The following GCM1 variants were observed in gnomAD, a reference collection of about 807,000 sequenced individuals.
GCM1 encodes chorion-specific transcription factor GCMa.
Under a neutral mutation model 25.7 loss-of-function variants are expected in GCM1, and 2 were observed. The observed-to-expected ratio is 0.08, with a 90% CI of 0.03 to 0.24. The LOEUF (loss-of-function observed/expected upper bound fraction) is 0.24. Ranked by LOEUF, GCM1 falls within the 10% of genes least tolerant of loss-of-function variation. The pLI, the probability that GCM1 is intolerant of heterozygous loss-of-function variation, is 1.00. For missense variants in GCM1, 395 were observed against 538.7 expected (o/e 0.73, Z 2.64); for synonymous variants, 183 against 195.7 (o/e 0.94, Z 0.54).
Position 53,140,420 on chromosome 6 carries a change from G to A in GCM1, c.75+5138C>T, listed in dbSNP as rs1581853896. On this transcript the variant is annotated intron_variant, in intron 2 of 5. Transcript: ENST00000259803. ...CAATTTGGGGCTTATCTTTTGCAGA[G>A]ACAAAGGAAGTTTGGCTGGCTAAAA... is the stretch of plus-strand genomic sequence containing the variant. 2.0e-5 allele frequency among the ~76,000 whole-genome samples: 3 copies of A among 149,294 alleles called. No homozygotes were observed. The South Asian group carries it at 6.3e-4, about 31-fold the overall frequency.
rs769165430 is a variant in GCM1, at chr6:53,134,150, G to A, written c.250C>T (p.Arg84Cys). The A allele has an allele frequency of 4.8e-5, 78 of 1,614,054 alleles. No individual in the cohort carries two copies. The highest frequency in any genetic ancestry group is 1.8e-4 in the Admixed American group (11 of 60,004). Residue 84 changes from arginine (R) to cysteine (C), a missense_variant, in exon 3 of 6, where the codon CGC (arginine) becomes TGC (cysteine). By Grantham distance (180) the Arg-to-Cys change is radical. Coordinates refer to ENST00000259803, the MANE Select transcript of GCM1 (RefSeq NM_003643.4). ...CGCCCCTCCTCTGCGAGACAGTCGC[G>A]GCCGCACACCACCACACCCAGGCAG... is the stretch of plus-strand genomic sequence containing the variant. ...KSCLGVVVCGRDCLAEEGRKI... is the reference protein window; with the variant it reads ...KSCLGVVVCGCDCLAEEGRKI...
intron 2 of GCM1, among the ~76,000 whole-genome samples, chr6:53,135,621 A>C (rs533706702): frequency 4.6e-4 from 70 of 152,250 alleles, no homozygotes; most frequent in Non-Finnish European, 2.2e-4. Context: ...CAGTGTCAGC[A>C]CTCAAACTTA....
chr6:53,136,943 T>C (rs923629930), intron 2 of GCM1, among the ~76,000 whole-genome samples: 6 of 151,298 alleles, frequency 4.0e-5, no homozygotes, highest in Non-Finnish European at 2.9e-5. Flanking sequence ...GCCACTGCAC[T>C]CCAGCCTGGG....
chr6:53,136,840 G>A (rs1453940947), intron 2 of GCM1, among the ~76,000 whole-genome samples: 1 of 152,144 alleles, frequency 6.6e-6, no homozygotes, highest in African/African-American at 2.4e-5. Flanking sequence ...GCCAGGTGTG[G>A]TGGCGGGCAC....
At chr6:53,131,312 C>G (rs1483406606) in intron 4 of GCM1, among the ~76,000 whole-genome samples, 2 of 152,202 alleles carry the variant, frequency 1.3e-5, no homozygotes, top group Non-Finnish European at 2.9e-5. Flanking sequence ...AGTGATTACG[C>G]CAGCTGGGTA....
At chr6:53,134,561 C>T (rs901220672) in intron 2 of GCM1, among the ~76,000 whole-genome samples, 2 of 152,170 alleles carry the variant, frequency 1.3e-5, no homozygotes, top group Non-Finnish European at 2.9e-5. Context: ...AAATGATAGC[C>T]CCTGTGAGTT....
In GCM1 at chr6:53,134,241, C is replaced by A; in HGVS notation, c.159G>T (p.Gln53His). Reference protein sequence around the residue: ...HIYSSEDKNAQRHLSSWAMRN... With the variant: ...HIYSSEDKNAHRHLSSWAMRN... ...GCATGGCCCAGCTGCTCAGGTGCCG[C>A]TGCGCATTCTTGTCCTCCGAGCTGT... The change falls in exon 3 of 6, where the codon CAG (glutamine) becomes CAT (histidine). Residue 53 changes from glutamine to histidine, a missense_variant. Gln to His is a conservative substitution (Grantham distance 24, BLOSUM62 0). Coordinates refer to ENST00000259803, the MANE Select transcript of GCM1 (RefSeq NM_003643.4). 6.2e-7 allele frequency: 1 copy of A among 1,614,126 alleles called. No homozygotes were observed. The highest frequency in any genetic ancestry group is 1.1e-5 in the South Asian group (1 of 91,080).
intron 2 of GCM1, among the ~76,000 whole-genome samples, chr6:53,139,493 C>T (rs1763843480): frequency 3.4e-5 from 1 of 29,720 alleles, no homozygotes; most frequent in South Asian, 2.5e-3. Context: ...AGACCCCCAT[C>T]TCAAAAAAAA....
intron 2 of GCM1, among the ~76,000 whole-genome samples, chr6:53,141,104 A>G (rs1763866700): frequency 6.6e-6 from 1 of 152,050 alleles, no homozygotes; most frequent in Admixed American, 6.5e-5. Flanking sequence ...CTCCTCTAGC[A>G]TTTTTCTACA....
At position 53,143,196 on chromosome 6, in the gene GCM1, A is replaced by G. The variant is rs994239450; in HGVS notation, c.75+2362T>C. ...GACAGCTATTTCCGTGAGCAATCTT[A>G]GTACTTTTTAATGAACTATAAATAC... is the stretch of plus-strand genomic sequence containing the variant. On this transcript the variant is annotated intron_variant, in intron 2 of 5. Coordinates refer to ENST00000259803, the MANE Select transcript of GCM1 (RefSeq NM_003643.4). Among the ~76,000 whole-genome samples the G allele has an allele frequency of 3.9e-5, 6 of 152,348 alleles. 1 individual carries two copies. Among genetic ancestry groups the G allele is most frequent in the Admixed American group, 2.0e-4 (3 of 15,302 alleles).
At chr6:53,144,976 T>TAAAA (rs59369075) in intron 2 of GCM1, among the ~76,000 whole-genome samples, 25,212 of 99,812 alleles carry the variant, frequency 0.25, 1,952 homozygotes, top group African/African-American at 0.39. Context: ...AGAAAGAAAA[T>TAAAA]GAAAAGAAAG....
chr6:53,134,944 T>C (rs1239154552), intron 2 of GCM1, among the ~76,000 whole-genome samples: 1 of 152,238 alleles, frequency 6.6e-6, no homozygotes, highest in African/African-American at 2.4e-5. Context: ...TGAAAAGCCC[T>C]GGTTCAGAGA....
At chr6:53,137,697 C>G (rs1763819559) in intron 2 of GCM1, among the ~76,000 whole-genome samples, 1 of 152,096 alleles carries the variant, frequency 6.6e-6, no homozygotes, top group Admixed American at 6.5e-5. Context: ...TACTGGTGCA[C>G]TTGAATTATT....
intron 2 of GCM1, among the ~76,000 whole-genome samples, chr6:53,145,027 A>G (rs1462172890): frequency 6.6e-6 from 1 of 152,036 alleles, no homozygotes; most frequent in East Asian, 1.9e-4. Flanking sequence ...AGAAAAAAGG[A>G]AGAAGGCAGG....
rs370422081 is a variant in GCM1, at chr6:53,128,437, C to G, written c.1080G>C (p.Ala360=). ...TGCPPLWPNP[A]GNLYEEKVHV... ...GTACTTTCTCTTCATAAAGATTACC[C>G]GCTGGATTTGGCCATAATGGGGGAC... The change falls in exon 6 of 6, where the codon GCG becomes GCC. Residue 360 remains alanine (A), a synonymous_variant. Coordinates refer to ENST00000259803, the MANE Select transcript of GCM1 (RefSeq NM_003643.4). 6.2e-7 allele frequency: 1 copy of G among 1,613,866 alleles called. No individual in the cohort carries two copies. The highest frequency in any genetic ancestry group is 8.5e-7 in the Non-Finnish European group (1 of 1,179,956).
chr6:53,143,152 C>A (rs183271146), intron 2 of GCM1, among the ~76,000 whole-genome samples: 31 of 152,316 alleles, frequency 2.0e-4, no homozygotes, highest in Admixed American at 1.8e-3. Flanking sequence ...ATTTCCCCGA[C>A]ATATTTAACA....
intron 2 of GCM1, among the ~76,000 whole-genome samples, chr6:53,145,262 T>C (rs1763938097): frequency 6.6e-6 from 1 of 152,208 alleles, no homozygotes; most frequent in South Asian, 2.1e-4. Flanking sequence ...GATTTTATCA[T>C]ACTGTCTAGC....
intron 2 of GCM1, among the ~76,000 whole-genome samples, chr6:53,141,280 A>G (rs1281024035): frequency 6.6e-6 from 1 of 152,236 alleles, no homozygotes; most frequent in Non-Finnish European, 1.5e-5. Context: ...TAGTAAGGAC[A>G]TCACTGCTCA....
At chr6:53,134,046 T>G (rs573400362) in intron 3 of GCM1, 26 bp downstream of exon 3, 1 of 1,606,160 alleles carries the variant, frequency 6.2e-7, no homozygotes, top group South Asian at 1.1e-5. Flanking sequence ...CCAGCTTTTT[T>G]GCTGGTGCCA....
Sources: gnomAD v4.1 joint callset for allele counts (sites outside exome capture counted in the v4.1 genomes callset) on GRCh38, gnomAD v4.1.1 for gene constraint, MANE v1.5 for transcripts, NCBI Gene and HGNC (gene_info 2026-07-23, HGNC 2026-07-21) for gene names.